HDAC7: variants seen among roughly 807,000 people sequenced by gnomAD.
HDAC7 encodes histone deacetylase 7A.
A neutral mutation model predicts 115.5 loss-of-function variants in HDAC7; 26 were observed. That is an observed-to-expected ratio of 0.23 (90% confidence interval 0.16 to 0.31). The LOEUF is 0.31. Ranked by LOEUF, HDAC7 falls within the 10% of genes least tolerant of loss-of-function variation. The probability of loss-of-function intolerance (pLI) is 1.00; values close to 1 mark genes in which losing one functional copy is unlikely to be tolerated. For missense variants in HDAC7, 1,068 were observed against 1,329.0 expected (o/e 0.80, Z 3.05); for synonymous variants, 564 against 550.9 (o/e 1.02, Z -0.33).
intron 2 of HDAC7, among the ~76,000 whole-genome samples, chr12:47,799,978 G>A (rs1944085106): frequency 1.3e-5 from 2 of 152,178 alleles, no homozygotes; most frequent in Admixed American, 1.3e-4. Flanking sequence ...TTCCAACGCT[G>A]GGCATCTCCC....
In HDAC7 at chr12:47,784,202, C is replaced by T; in HGVS notation, c.2807G>A (p.Cys936Tyr). 6.2e-7 allele frequency: 1 copy of T among 1,611,656 alleles called. No homozygotes were observed. The highest frequency in any genetic ancestry group is 2.2e-5 in the East Asian group (1 of 44,806). Residue 936 changes from cysteine to tyrosine, a missense_variant, in exon 25 of 26, where the codon TGC becomes TAC. Physicochemically the swap from Cys to Tyr is radical, Grantham distance 194. Around this residue, in one of 6 missense-constraint regions of HDAC7, gnomAD observed 98 missense variants for 123.9 expected, o/e 0.79. Coordinates refer to ENST00000080059, the MANE Select transcript of HDAC7 (RefSeq NM_015401.5). ...VIRVHSKYWG[C>Y]MQRLASCPDS... ...TGGACAGGAGGCCAGGCGCTGCATG[C>T]AGCCCCAGTATTTACCTGGGGTAAG...
At chr12:47,801,644 G>T (rs1453082121) in intron 2 of HDAC7, among the ~76,000 whole-genome samples, 1 of 152,190 alleles carries the variant, frequency 6.6e-6, no homozygotes, top group Non-Finnish European at 1.5e-5. Context: ...GTTGATACTG[G>T]CTACACTAAA....
chr12:47,793,401 T>C lies in HDAC7; in HGVS notation c.1646A>G (p.Glu549Gly). The part of the protein sequence containing the change: ...ASQARVLSSS[E>G]TPARTLPFTT... ...GAAGGGCAGGGTCCTGGCAGGGGTC[T>C]CTGAGCTGGAGAGGACTCGGGCCTG... The change falls in exon 13 of 26, where the codon GAG becomes GGG. Residue 549 changes from glutamate to glycine, a missense_variant. Physicochemically the swap from Glu to Gly is moderately conservative, Grantham distance 98 (BLOSUM62 -2). Transcript: ENST00000080059. This position sits in a 1 kb window ranked among gnomAD's most constrained non-coding sequence, Gnocchi z 4.5. 1 of 1,541,516 alleles carries C rather than the reference T, an allele frequency of 6.5e-7. No individual in the cohort carries two copies. Among genetic ancestry groups the C allele is most frequent in the Non-Finnish European group, 8.8e-7 (1 of 1,141,052 alleles).
rs369848964 is a variant in HDAC7, at chr12:47,789,863, C to A, written c.2041G>T (p.Ala681Ser). 1.9e-6 allele frequency: 3 copies of A among 1,613,662 alleles called. No individual in the cohort carries two copies. Among genetic ancestry groups the A allele is most frequent in the African/African-American group, 1.3e-5 (1 of 74,946 alleles). ...AAGGCGAGGTCAGTGACACTGCCAGCGGCCCAGCGGGCTGCATTGGAGGAA... is the reference window on the plus strand; with the variant it reads ...AAGGCGAGGTCAGTGACACTGCCAGAGGCCCAGCGGGCTGCATTGGAGGAA... ...LHSSNAARWA[A>S]GSVTDLAFKV... Residue 681 changes from alanine (A) to serine (S), a missense_variant, in exon 17 of 26, where the codon GCT (alanine) becomes TCT (serine). By Grantham distance (99) the Ala-to-Ser change is moderately conservative. Coordinates refer to ENST00000080059, the MANE Select transcript of HDAC7 (RefSeq NM_015401.5).
intron 14 of HDAC7, 76 bp downstream of exon 14, chr12:47,791,795 C>T: frequency 1.3e-6 from 2 of 1,567,448 alleles, no homozygotes; most frequent in African/African-American, 2.7e-5. Context: ...TCTCATGGGC[C>T]CCAGGGCCCC....
chr12:47,811,792 G>T (rs1010824581), intron 1 of HDAC7, among the ~76,000 whole-genome samples: 18 of 152,196 alleles, frequency 1.2e-4, no homozygotes, highest in African/African-American at 4.1e-4. Flanking sequence ...ATCCTCTGAG[G>T]TTCCGTGTTA....
At chr12:47,804,079 G>A (rs970584511) in intron 1 of HDAC7, among the ~76,000 whole-genome samples, 4 of 152,096 alleles carry the variant, frequency 2.6e-5, no homozygotes, top group Non-Finnish European at 4.4e-5. Flanking sequence ...CACAGATTCC[G>A]GACACCATGC....
intron 15 of HDAC7, 133 bp downstream of exon 15, chr12:47,791,453 C>T: frequency 2.8e-6 from 4 of 1,406,030 alleles, no homozygotes; most frequent in Middle Eastern, 1.8e-4. Context: ...TGAGGAGGGG[C>T]TTGGCAGCAA....
At position 47,789,247 on chromosome 12, in the gene HDAC7, G is replaced by A. The variant is rs759317954; in HGVS notation, c.2235+14C>T. On this transcript the variant is annotated intron_variant, in intron 19 of 25. Coordinates refer to ENST00000080059, the MANE Select transcript of HDAC7 (RefSeq NM_015401.5). ...GGGCTCTCGAATTGGAGGGTGCTAC[G>A]GACAGGCACCTACCCAGTCTACAAT... is the stretch of plus-strand genomic sequence containing the variant. 87 of 1,605,650 alleles carry A rather than the reference G, an allele frequency of 5.4e-5. No individual in the cohort carries two copies. The highest frequency in any genetic ancestry group is 1.7e-4 in the Middle Eastern group (1 of 6,060).
intron 2 of HDAC7, 178 bp from the exon 3 acceptor site, chr12:47,799,150 T>G: frequency 5.4e-6 from 3 of 555,498 alleles, no homozygotes; most frequent in Non-Finnish European, 6.4e-6. Flanking sequence ...TCAATTCCAT[T>G]TTACTCGTGA....
At chr12:47,789,388 C>T in intron 18 of HDAC7, 40 bp from the exon 19 acceptor site, 1 of 1,586,310 alleles carries the variant, frequency 6.3e-7, no homozygotes, top group Non-Finnish European at 8.7e-7. Context: ...ATTCTCTCCA[C>T]ATGCCCTCAC....
At position 47,797,096 on chromosome 12, in the gene HDAC7, C is replaced by G. The variant is rs1243393565; in HGVS notation, c.624G>C (p.Leu208=). 1 of 1,608,988 alleles carries G rather than the reference C, an allele frequency of 6.2e-7. No homozygotes were observed. Among genetic ancestry groups the G allele is most frequent in the East Asian group, 2.2e-5 (1 of 44,778 alleles). ...GGAGCAGTGGATTCTTCCTCCGCTCCAGGGACTTCTTGGGCTTATAGCGCA... is the reference window on the plus strand; with the variant it reads ...GGAGCAGTGGATTCTTCCTCCGCTCGAGGGACTTCTTGGGCTTATAGCGCA... ...LKLRYKPKKS[L]ERRKNPLLRK... The change falls in exon 7 of 26, where the codon CTG becomes CTC. Residue 208 remains leucine, a synonymous_variant. Transcript: ENST00000080059. This position sits in a 1 kb window ranked among gnomAD's most constrained non-coding sequence, Gnocchi z 5.5.
At position 47,795,257 on chromosome 12, in the gene HDAC7, G is replaced by A; in HGVS notation, c.1211C>T (p.Ala404Val). Residue 404 changes from alanine to valine, a missense_variant, in exon 11 of 26, where the codon GCC (alanine) becomes GTC (valine). By Grantham distance (64) the Ala-to-Val change is moderately conservative. Transcript: ENST00000080059. The surrounding 1 kb of genome is among the most constrained non-coding windows in gnomAD (Gnocchi z 4.3). ...RTRSEPLPPS[A>V]TAPPPPGPMQ... ...GGGGCCCGGCGGTGGGGGAGCGGTG[G>A]CACTGGGGGGCAGGGGCTCTGAGCG... 6.2e-7 allele frequency: 1 copy of A among 1,611,568 alleles called. No homozygotes were observed.
chr12:47,791,032 G>GA (rs1222495813), intron 16 of HDAC7: 4 of 579,454 alleles, frequency 6.9e-6, no homozygotes, highest in Non-Finnish European at 1.2e-5. Flanking sequence ...CACCTTCTAG[G>GA]GGAAGGCTTA....
In HDAC7 at chr12:47,791,063, G is replaced by A. The variant is rs1943470560; in HGVS notation, c.1983+196C>T. ...GCTTAGGCTGGACTCCGCATTCGGG[G>A]GAGACTGTGGGTCCGAGACACGCCT... On this transcript the variant is annotated intron_variant, in intron 16 of 25. Coordinates refer to ENST00000080059, the MANE Select transcript of HDAC7 (RefSeq NM_015401.5). The A allele has an allele frequency of 4.7e-5, 29 of 623,208 alleles. No individual in the cohort carries two copies. The South Asian group carries it at 5.3e-4, about 11-fold the overall frequency. The allele number at this position is 623,208 out of a possible 1,614,324, so 38.6% of individuals were successfully genotyped here. A position where few individuals can be genotyped will look rare whatever the true frequency, so the allele number is the denominator to read the frequency against.
intron 14 of HDAC7, 24 bp downstream of exon 14, chr12:47,791,847 C>A (rs755946996): frequency 6.5e-7 from 1 of 1,529,398 alleles, no homozygotes; most frequent in East Asian, 2.4e-5. Context: ...ACCCATTCCT[C>A]GGGCCCCACC....
At chr12:47,820,912 C>T (rs1025096418), upstream of HDAC7, among the ~76,000 whole-genome samples, 1 of 152,216 alleles carries the variant, frequency 6.6e-6, no homozygotes, top group Non-Finnish European at 1.5e-5. The surrounding 1 kb of genome is among the most constrained non-coding windows in gnomAD (Gnocchi z 4.3). Flanking sequence ...GCCTCTCCCT[C>T]CGCTTTTAGC....
intron 24 of HDAC7, 89 bp downstream of exon 24, chr12:47,785,298 C>T (rs745771653): frequency 9.5e-5 from 105 of 1,110,626 alleles, no homozygotes; most frequent in Non-Finnish European, 6.7e-5. Flanking sequence ...TGGCTGGCAC[C>T]GGAAGCCCTA....
At chr12:47,807,596 G>A (rs763280353) in intron 1 of HDAC7, among the ~76,000 whole-genome samples, 4 of 151,874 alleles carry the variant, frequency 2.6e-5, no homozygotes, top group Non-Finnish European at 5.9e-5. Context: ...AGGCCAGCCA[G>A]CAAAGGACAC....
Sources: allele counts gnomAD v4.1 joint callset (sites outside exome capture counted in the v4.1 genomes callset), GRCh38; gene constraint gnomAD v4.1.1; regional missense constraint gnomAD v4.1.1; non-coding constraint Gnocchi (gnomAD v3.1); transcripts MANE v1.5; gene names NCBI Gene and HGNC (gene_info 2026-07-23, HGNC 2026-07-21).